Variants in ARMC8 observed in about 807,000 individuals in gnomAD.
ARMC8 encodes the protein armadillo repeat-containing protein 8.
In ARMC8, 20 loss-of-function variants were observed where a neutral mutation model predicts 99.3. That is an observed-to-expected ratio of 0.20 (90% CI 0.14 to 0.29). The LOEUF is 0.29. Among genes scored for constraint, ARMC8 ranks in the 10% least tolerant of loss-of-function variants. The pLI is 1.00. For missense variants in ARMC8, 569 were observed against 809.5 expected (o/e 0.70, Z 3.60); for synonymous variants, 263 against 278.3 (o/e 0.95, Z 0.55).
At chr3:138,273,304 A>G (rs896886312) in intron 17 of ARMC8, among the ~76,000 whole-genome samples, 188 bp downstream of exon 17, 12 of 152,162 alleles carry the variant, frequency 7.9e-5, no homozygotes, top group Admixed American at 4.6e-4. Flanking sequence ...CTGCTTCACC[A>G]TATCACCCCC....
intron 6 of ARMC8, among the ~76,000 whole-genome samples, chr3:138,231,609 T>G (rs772599476): frequency 3.3e-5 from 5 of 152,184 alleles, no homozygotes; most frequent in Non-Finnish European, 7.3e-5. Context: ...GAGCCTATTT[T>G]TTGGAGTTTA....
At chr3:138,218,696 G>A (rs907507331) in intron 2 of ARMC8, among the ~76,000 whole-genome samples, 1 of 151,998 alleles carries the variant, frequency 6.6e-6, no homozygotes, top group Non-Finnish European at 1.5e-5. Context: ...GCCACTCCAC[G>A]GATATTGTGA....
chr3:138,230,588 G>A (rs1260850398), intron 6 of ARMC8, among the ~76,000 whole-genome samples: 1 of 152,120 alleles, frequency 6.6e-6, no homozygotes, highest in Non-Finnish European at 1.5e-5. Flanking sequence ...AGGTGGTTGA[G>A]GCTGCAGTGA....
At position 138,222,015 on chromosome 3, in the gene ARMC8, C is replaced by T. The variant is rs755132196; in HGVS notation, c.194+18C>T. On this transcript the variant is annotated intron_variant, in intron 3 of 21. Coordinates refer to ENST00000469044, the MANE Select transcript of ARMC8 (RefSeq NM_001363941.2). Reference sequence around the variant, plus strand: ...GTTCCAAGGTATGTTTGCTGTCTCACCCCTTTCTTGCCATTCATACTAGTT... The same window carrying T: ...GTTCCAAGGTATGTTTGCTGTCTCATCCCTTTCTTGCCATTCATACTAGTT... 1 of 1,601,316 alleles carries T rather than the reference C, an allele frequency of 6.2e-7. No homozygotes were observed. Among genetic ancestry groups the T allele is most frequent in the Admixed American group, 1.7e-5 (1 of 59,806 alleles).
intron 18 of ARMC8, among the ~76,000 whole-genome samples, chr3:138,277,419 A>C (rs181541716): frequency 1.3e-5 from 2 of 152,348 alleles, no homozygotes; most frequent in Admixed American, 6.5e-5. Context: ...CAAACTGTAA[A>C]ACTTCTGCGT....
intron 12 of ARMC8, chr3:138,261,684 C>T (rs2047758739): frequency 1.3e-5 from 2 of 152,086 alleles, no homozygotes; most frequent in African/African-American, 2.4e-5. Flanking sequence ...GACACTTAAA[C>T]GTCTTTTAAA....
chr3:138,192,743 C>T (rs2043466306), intron 1 of ARMC8, among the ~76,000 whole-genome samples: 1 of 152,038 alleles, frequency 6.6e-6, no homozygotes, highest in Non-Finnish European at 1.5e-5. Flanking sequence ...CCATGTTTCT[C>T]AGGCTGGTCT....
chr3:138,295,715 A>C, intron 21 of ARMC8, 144 bp from the exon 22 acceptor site: 1 of 720,866 alleles, frequency 1.4e-6, no homozygotes, highest in Non-Finnish European at 2.3e-6. Context: ...CTTCCCCTTA[A>C]GGTAGGTGCC....
At chr3:138,233,656 G>T (rs1273753709) in intron 6 of ARMC8, among the ~76,000 whole-genome samples, 1 of 152,206 alleles carries the variant, frequency 6.6e-6, no homozygotes, top group Non-Finnish European at 1.5e-5. Context: ...CTATTCAGAA[G>T]TACGAATGCT....
intron 3 of ARMC8, 64 bp downstream of exon 3, chr3:138,222,061 CA>C: frequency 2.4e-6 from 3 of 1,266,712 alleles, no homozygotes; most frequent in Non-Finnish European, 3.4e-6. Context: ...TTCTTACTCT[CA>C]ATTATAGAAC....
At position 138,274,233 on chromosome 3, in the gene ARMC8, A is replaced by ATGTG. The variant is rs142329302; in HGVS notation, c.1630-192_1630-189dup. On this transcript the variant is annotated intron_variant, in intron 17 of 21. Coordinates refer to ENST00000469044, the MANE Select transcript of ARMC8 (RefSeq NM_001363941.2). Reference sequence around the variant, plus strand: ...GTATGTATGTGTAATGTGTATATACATGTGTGTGTGTGTGTGTGTGTGTGT... The same window carrying ATGTG: ...GTATGTATGTGTAATGTGTATATACATGTGTGTGTGTGTGTGTGTGTGTGTGTGT... 5.1e-3 allele frequency among the ~76,000 whole-genome samples: 722 copies of ATGTG among 142,338 alleles called. 5 individuals are homozygous for ATGTG. Among genetic ancestry groups the ATGTG allele is most frequent in the African/African-American group, 0.018 (624 of 35,650 alleles). 93.4% of individuals were successfully genotyped at this position (142,338 alleles called of 152,430 possible).
chr3:138,264,707 T>C (rs1375012522), intron 14 of ARMC8, among the ~76,000 whole-genome samples: 1 of 151,840 alleles, frequency 6.6e-6, no homozygotes, highest in Non-Finnish European at 1.5e-5. Flanking sequence ...CATGAGCCAC[T>C]GCGCCCAGCC....
intron 1 of ARMC8, among the ~76,000 whole-genome samples, chr3:138,205,829 A>G (rs1488984324): frequency 2.0e-5 from 3 of 152,204 alleles, no homozygotes; most frequent in Non-Finnish European, 2.9e-5. Flanking sequence ...TCATGTGTCT[A>G]TTTCCCTAAA....
At chr3:138,226,985 T>G (rs557887311) in intron 5 of ARMC8, among the ~76,000 whole-genome samples, 9 of 152,332 alleles carry the variant, frequency 5.9e-5, no homozygotes, top group African/African-American at 1.9e-4. Flanking sequence ...GAAGAACTAG[T>G]ACAGTGTTTC....
chr3:138,270,013 A>ATTTTTT, intron 15 of ARMC8, 27 bp from the exon 16 acceptor site: 1 of 1,420,992 alleles, frequency 7.0e-7, no homozygotes. Flanking sequence ...TAAAGCTGTG[A>ATTTTTT]TTTTTTTTTT....
chr3:138,199,511 C>T (rs992415740), intron 1 of ARMC8, among the ~76,000 whole-genome samples: 2 of 151,868 alleles, frequency 1.3e-5, no homozygotes, highest in Non-Finnish European at 2.9e-5. Flanking sequence ...GATTTTTTTC[C>T]CTCAAAATTA....
At chr3:138,274,259 G>GTA (rs1165474876) in intron 17 of ARMC8, among the ~76,000 whole-genome samples, 190 bp from the exon 18 acceptor site, 2 of 151,166 alleles carry the variant, frequency 1.3e-5, no homozygotes, top group Non-Finnish European at 2.9e-5. Flanking sequence ...GTGTGTGTGT[G>GTA]TATGACATAT....
At chr3:138,229,614 T>TA (rs539660436) in intron 6 of ARMC8, among the ~76,000 whole-genome samples, 33 of 152,292 alleles carry the variant, frequency 2.2e-4, no homozygotes, top group Non-Finnish European at 4.7e-4. Context: ...TGTTCCCTAT[T>TA]ACTGGAAACT....
chr3:138,206,958 T>C (rs1049539250), intron 1 of ARMC8, among the ~76,000 whole-genome samples: 2 of 152,252 alleles, frequency 1.3e-5, no homozygotes, highest in African/African-American at 4.8e-5. Context: ...GCATCTAGCA[T>C]GTAACTTTGA....
Sources: allele counts gnomAD v4.1 joint callset (sites outside exome capture counted in the v4.1 genomes callset), GRCh38; gene constraint gnomAD v4.1.1; transcripts MANE v1.5; gene names NCBI Gene and HGNC (gene_info 2026-07-23, HGNC 2026-07-21).